The following CYP39A1 variants were observed in gnomAD, a reference collection of about 807,000 sequenced individuals.
The protein encoded by CYP39A1 is cytochrome P450 family 39 subfamily A member 1.
CYP39A1 carries 49 observed loss-of-function variants against 58.1 expected under a neutral mutation model. The ratio of observed to expected loss-of-function variants is 0.84; its 90% CI spans 0.67 to 1.07. CYP39A1 has a LOEUF of 1.07. CYP39A1 is among the 50% of genes least tolerant of loss of function. The pLI is 0.00. For synonymous variants in CYP39A1, 209 were observed against 187.6 expected (o/e 1.11, Z -0.93); for missense variants, 531 against 539.4 (o/e 0.98, Z 0.16).
chr6:46,643,824 T>C (rs192352773), intron 1 of CYP39A1, among the ~76,000 whole-genome samples: 58 of 152,300 alleles, frequency 3.8e-4, no homozygotes, highest in African/African-American at 1.3e-3. Flanking sequence ...TTTTTTTGTA[T>C]GCAATGTCAG....
chr6:46,623,543 G>A (rs542290899), intron 7 of CYP39A1, among the ~76,000 whole-genome samples: 2 of 152,200 alleles, frequency 1.3e-5, no homozygotes, highest in Non-Finnish European at 2.9e-5. Flanking sequence ...TCCACTGAGA[G>A]CCTGCATCAA....
Position 46,637,822 on chromosome 6 carries a change from C to T in CYP39A1, c.638+7G>A. 6.2e-7 allele frequency: 1 copy of T among 1,609,656 alleles called. No individual in the cohort carries two copies. On this transcript the variant is annotated splice_region_variant and intron_variant, in intron 4 of 11. Transcript: ENST00000275016. The stretch of plus-strand genomic sequence containing the variant: ...TCAATGAATTAATTATAGGAAACAA[C>T]TGTTACCTTAGAAGACACTCTGGCA...
chr6:46,567,077 A>G (rs1325965179), intron 10 of CYP39A1, among the ~76,000 whole-genome samples: 1 of 152,100 alleles, frequency 6.6e-6, no homozygotes, highest in Non-Finnish European at 1.5e-5. Flanking sequence ...ACCATACTGT[A>G]CATTAGGTCT....
chr6:46,594,173 T>C (rs1156510298), intron 8 of CYP39A1, among the ~76,000 whole-genome samples: 1 of 152,054 alleles, frequency 6.6e-6, no homozygotes, highest in Non-Finnish European at 1.5e-5. Flanking sequence ...TTATTATGTT[T>C]TACTTAAAGT....
At chr6:46,566,437 G>A (rs1185238607) in intron 10 of CYP39A1, among the ~76,000 whole-genome samples, 1 of 152,076 alleles carries the variant, frequency 6.6e-6, no homozygotes, top group Non-Finnish European at 1.5e-5. Flanking sequence ...TTCACAAGGC[G>A]GCAGGAAGGA....
intron 10 of CYP39A1, among the ~76,000 whole-genome samples, chr6:46,560,737 C>A (rs1770930388): frequency 6.6e-6 from 1 of 151,612 alleles, no homozygotes; most frequent in South Asian, 2.1e-4. Context: ...AGCCATGGGG[C>A]AGTATGAGAT....
intron 8 of CYP39A1, among the ~76,000 whole-genome samples, chr6:46,591,734 A>G (rs187848246): frequency 6.6e-6 from 1 of 151,884 alleles, no homozygotes; most frequent in African/African-American, 2.4e-5. Flanking sequence ...TAAGAAGTTT[A>G]AAAAAAACCC....
In CYP39A1 at chr6:46,593,040, C is replaced by T. The variant is rs139953427; in HGVS notation, c.1065+2947G>A. Among the ~76,000 whole-genome samples, 311 of 152,110 alleles carry T rather than the reference C, an allele frequency of 2.0e-3. 3 individuals carry two copies. Among genetic ancestry groups the T allele is most frequent in the African/African-American group, 7.3e-3 (304 of 41,508 alleles). ...ATATTTATGCTTTCAAGAAAATGGA[C>T]TATTATGTGACCACTGAAATAAATG... On this transcript the variant is annotated intron_variant, in intron 8 of 11. Coordinates refer to ENST00000275016, the MANE Select transcript of CYP39A1 (RefSeq NM_016593.5).
rs1582464361 is a variant in CYP39A1, at chr6:46,642,297, T to C, written c.179A>G (p.Tyr60Cys). The C allele has an allele frequency of 1.2e-6, 2 of 1,610,310 alleles. No homozygotes were observed. The highest frequency in any genetic ancestry group is 1.7e-4 in the Middle Eastern group (1 of 6,032). Residue 60 changes from tyrosine (Y) to cysteine (C), a missense_variant and splice_region_variant, in exon 2 of 12, where the codon TAT (tyrosine) becomes TGT (cysteine). Transcript: ENST00000275016. Reference protein sequence around the residue: ...LEFIEKARIKYGPIFTVFAMG... With the variant: ...LEFIEKARIKCGPIFTVFAMG... ...AGCAAAGACTGTAAATATTGGTCCA[T>C]ACTGAAATAAAACAAACATAGATTA...
chr6:46,652,640 G>C lies in CYP39A1; in HGVS notation c.-58C>G. ...GTGTGAAACAGTCCTGCCGTCCCTT[G>C]CTTCTTTTCTGTGGGCTACGGAACC... On this transcript the variant is annotated 5_prime_UTR_variant, in exon 1 of 12. Transcript: ENST00000275016. 2 of 1,467,936 alleles carry C rather than the reference G, an allele frequency of 1.4e-6. No homozygotes were observed. The highest frequency in any genetic ancestry group is 1.8e-6 in the Non-Finnish European group (2 of 1,102,282). 90.9% of individuals were successfully genotyped at this position (1,467,936 alleles called of 1,614,324 possible). A position where few individuals can be genotyped will look rare whatever the true frequency, so the allele number is the denominator to read the frequency against.
At chr6:46,648,192 G>C (rs1177328026) in intron 1 of CYP39A1, among the ~76,000 whole-genome samples, 1 of 152,050 alleles carries the variant, frequency 6.6e-6, no homozygotes, top group Non-Finnish European at 1.5e-5. Flanking sequence ...AAATCATGCT[G>C]CTATAAAGAC....
chr6:46,609,199 A>G (rs1774047388), intron 7 of CYP39A1, among the ~76,000 whole-genome samples: 1 of 151,860 alleles, frequency 6.6e-6, no homozygotes. Flanking sequence ...CAGAAGATCG[A>G]GACCATCCTG....
At chr6:46,637,082 G>GC (rs1275374535) in intron 4 of CYP39A1, among the ~76,000 whole-genome samples, 1 of 152,136 alleles carries the variant, frequency 6.6e-6, no homozygotes, top group African/African-American at 2.4e-5. Context: ...GAGTCTGTCT[G>GC]CCCCTTTTAC....
chr6:46,630,857 C>T (rs1011681456), intron 6 of CYP39A1, 106 bp downstream of exon 6: 26 of 903,968 alleles, frequency 2.9e-5, no homozygotes, highest in Middle Eastern at 2.3e-4. Context: ...TTTTCTTTTC[C>T]ATAATGAGTG....
intron 1 of CYP39A1, among the ~76,000 whole-genome samples, chr6:46,651,739 A>T (rs9349370): frequency 0.42 from 63,772 of 152,028 alleles, 13,773 homozygotes; most frequent in East Asian, 0.56. Flanking sequence ...AAGAATAATT[A>T]TAATATCATA....
At chr6:46,631,958 A>G (rs974469032) in intron 5 of CYP39A1, among the ~76,000 whole-genome samples, 2 of 152,212 alleles carry the variant, frequency 1.3e-5, no homozygotes, top group African/African-American at 4.8e-5. Context: ...TTTAATCTTA[A>G]ATAACTTATG....
At chr6:46,620,507 G>T (rs941263565) in intron 7 of CYP39A1, among the ~76,000 whole-genome samples, 1 of 152,156 alleles carries the variant, frequency 6.6e-6, no homozygotes, top group African/African-American at 2.4e-5. Context: ...CCAACAAGAT[G>T]AAAATGAAAG....
At chr6:46,624,526 A>T (rs960215754) in intron 7 of CYP39A1, among the ~76,000 whole-genome samples, 1 of 152,140 alleles carries the variant, frequency 6.6e-6, no homozygotes, top group African/African-American at 2.4e-5. Context: ...TTGCCAAGCC[A>T]GTTTACTTTT....
chr6:46,578,733 T>C (rs1219833532), intron 10 of CYP39A1, among the ~76,000 whole-genome samples: 1 of 151,952 alleles, frequency 6.6e-6, no homozygotes, highest in Non-Finnish European at 1.5e-5. Context: ...CTTTCGAAGA[T>C]TTTACCAGGA....
Sources: allele counts gnomAD v4.1 joint callset (sites outside exome capture counted in the v4.1 genomes callset), GRCh38; gene constraint gnomAD v4.1.1; transcripts MANE v1.5; gene names NCBI Gene and HGNC (gene_info 2026-07-23, HGNC 2026-07-21).